SNAPC3: variants seen among roughly 807,000 people sequenced by gnomAD.
The protein encoded by SNAPC3 is small nuclear RNA activating complex polypeptide 3.
SNAPC3 carries 56 observed loss-of-function variants against 47.7 expected under a neutral mutation model. That is an observed-to-expected ratio of 1.18 (90% CI 0.95 to 1.47). The LOEUF is 1.47. SNAPC3 is among the 40% of genes most tolerant of loss of function. SNAPC3 has a pLI of 0.00. For synonymous variants in SNAPC3, 235 were observed against 189.9 expected, an observed-to-expected ratio of 1.24 and a Z score of -1.95; for missense variants, 665 against 511.3, an observed-to-expected ratio of 1.30 and a Z score of -2.90.
chr9:15,436,820 GTTT>G (rs34768913), intron 3 of SNAPC3, among the ~76,000 whole-genome samples: 1 of 84,660 alleles, frequency 1.2e-5, no homozygotes, highest in Non-Finnish European at 2.4e-5. Context: ...TCTTACAGCA[GTTT>G]TTTTTTTTTT....
chr9:15,462,446 AC>A (rs1369181870), downstream of SNAPC3: 1 of 152,002 alleles, frequency 6.6e-6, no homozygotes, highest in East Asian at 1.9e-4. Context: ...GAGCTATAAA[AC>A]CCCTGATTTA....
chr9:15,422,884 C>G lies in SNAPC3; in HGVS notation c.5C>G (p.Ala2Gly), dbSNP rs765512146. 3.3e-6 allele frequency: 5 copies of G among 1,535,700 alleles called. No individual in the cohort carries two copies. The highest frequency in any genetic ancestry group is 1.2e-5 in the South Asian group (1 of 82,910). Residue 2 changes from alanine (A) to glycine (G), a missense_variant, in exon 1 of 9, where the codon GCT becomes GGT. Physicochemically the swap from Ala to Gly is moderately conservative, Grantham distance 60. Transcript: ENST00000380821. M[A>G]EGSRGGPTCS... ...AGGGGAAGGAGTGGGGCGAACATGGCTGAAGGAAGCCGAGGTGGCCCTACG... is the reference window on the plus strand; with the variant it reads ...AGGGGAAGGAGTGGGGCGAACATGGGTGAAGGAAGCCGAGGTGGCCCTACG...
intron 4 of SNAPC3, among the ~76,000 whole-genome samples, chr9:15,446,333 A>G (rs957818913): frequency 3.3e-5 from 5 of 152,128 alleles, no homozygotes; most frequent in Admixed American, 2.0e-4. Context: ...CAGCCTCCCA[A>G]GTAGCTAGGA....
intron 3 of SNAPC3, among the ~76,000 whole-genome samples, chr9:15,434,623 C>G (rs1042935853): frequency 1.3e-5 from 2 of 152,036 alleles, no homozygotes; most frequent in African/African-American, 4.8e-5. Context: ...CCAGGCTGGT[C>G]TCGAACCCTT....
At chr9:15,440,728 T>C (rs1370886133) in intron 3 of SNAPC3, among the ~76,000 whole-genome samples, 1 of 152,044 alleles carries the variant, frequency 6.6e-6, no homozygotes, top group African/African-American at 2.4e-5. Flanking sequence ...GGCGGGCGGA[T>C]CACGAGGTCA....
rs559725493 is a variant in SNAPC3, at chr9:15,448,138, A to G, written c.732+894A>G. 3.3e-5 allele frequency among the ~76,000 whole-genome samples: 5 copies of G among 152,308 alleles called. No individual in the cohort carries two copies. The South Asian group carries it at 6.2e-4, about 19-fold the overall frequency. ...TAAAAAGATATTTGGAACAACAAGG[A>G]TGGAGATAGTGTTTGGACAAGAACC... On this transcript the variant is annotated intron_variant, in intron 5 of 8. Transcript: ENST00000380821.
intron 4 of SNAPC3, among the ~76,000 whole-genome samples, chr9:15,444,987 G>T (rs1369699930): frequency 1.3e-5 from 2 of 152,154 alleles, no homozygotes; most frequent in African/African-American, 4.8e-5. Flanking sequence ...CAACTACTTG[G>T]GAGGCTGAGG....
chr9:15,443,208 G>C (rs1201606770), intron 3 of SNAPC3, among the ~76,000 whole-genome samples: 1 of 152,140 alleles, frequency 6.6e-6, no homozygotes, highest in East Asian at 1.9e-4. Context: ...GAGGGAGAGA[G>C]GGAGAGGGAG....
chr9:15,424,309 T>C (rs1396744733), intron 2 of SNAPC3, among the ~76,000 whole-genome samples: 1 of 152,252 alleles, frequency 6.6e-6, no homozygotes, highest in East Asian at 1.9e-4. Flanking sequence ...ACATAATCTA[T>C]AATATTCAGT....
intron 6 of SNAPC3, 37 bp from the exon 7 acceptor site, chr9:15,453,004 T>A (rs2034504967): frequency 6.5e-7 from 1 of 1,532,582 alleles, no homozygotes; most frequent in African/African-American, 1.4e-5. Flanking sequence ...TAAGTTTTTG[T>A]GGAAAAATGA....
intron 7 of SNAPC3, among the ~76,000 whole-genome samples, chr9:15,457,528 G>A (rs1471447394): frequency 6.6e-6 from 1 of 152,134 alleles, no homozygotes; most frequent in Non-Finnish European, 1.5e-5. Context: ...ACAGGAGTTT[G>A]AGGCTACAGT....
chr9:15,423,884 G>T (rs1208544034), intron 1 of SNAPC3, 25 bp from the exon 2 acceptor site: 2 of 1,447,780 alleles, frequency 1.4e-6, no homozygotes, highest in Non-Finnish European at 1.9e-6. Flanking sequence ...CGACCTTAAA[G>T]TATTGCTTTT....
chr9:15,428,286 A>G (rs144122014), intron 2 of SNAPC3, among the ~76,000 whole-genome samples: 1 of 152,102 alleles, frequency 6.6e-6, no homozygotes, highest in Non-Finnish European at 1.5e-5. Context: ...GCAGATAATC[A>G]GGAAATAACT....
chr9:15,438,232 G>A (rs982602568), intron 3 of SNAPC3, among the ~76,000 whole-genome samples: 1 of 152,060 alleles, frequency 6.6e-6, no homozygotes, highest in African/African-American at 2.4e-5. Flanking sequence ...CCAGGAATTT[G>A]TCCTTTTCAT....
At chr9:15,449,057 G>A (rs570149407) in intron 5 of SNAPC3, among the ~76,000 whole-genome samples, 2 of 152,070 alleles carry the variant, frequency 1.3e-5, no homozygotes, top group Non-Finnish European at 2.9e-5. Flanking sequence ...TGATCCACCC[G>A]CCTCAGCCTC....
intron 7 of SNAPC3, among the ~76,000 whole-genome samples, chr9:15,455,169 GGAA>G (rs1272322317): frequency 6.6e-6 from 1 of 152,068 alleles, no homozygotes; most frequent in African/African-American, 2.4e-5. Flanking sequence ...TTGCCCCTAG[GGAA>G]GAAGAATGGG....
At chr9:15,449,325 T>A (rs2034185081) in intron 5 of SNAPC3, among the ~76,000 whole-genome samples, 1 of 151,944 alleles carries the variant, frequency 6.6e-6, no homozygotes, top group Non-Finnish European at 1.5e-5. Flanking sequence ...AGAATGTTTG[T>A]CTGTCTGTTT....
chr9:15,437,238 A>T (rs1286164246), intron 3 of SNAPC3, among the ~76,000 whole-genome samples: 1 of 149,234 alleles, frequency 6.7e-6, no homozygotes, highest in African/African-American at 2.5e-5. Context: ...TGTTTTCTTA[A>T]TTCCTTTTTT....
At chr9:15,461,984 C>T (rs2035254093), downstream of SNAPC3, 2 of 152,042 alleles carry the variant, frequency 1.3e-5, no homozygotes, top group Admixed American at 1.3e-4. Flanking sequence ...AATGATTTAC[C>T]CAACCCTAAA....
Sources: allele counts gnomAD v4.1 joint callset (sites outside exome capture counted in the v4.1 genomes callset), GRCh38; gene constraint gnomAD v4.1.1; transcripts MANE v1.5; gene names NCBI Gene and HGNC (gene_info 2026-07-23, HGNC 2026-07-21).